Variants in GULP1 observed in about 807,000 individuals in gnomAD.
GULP1 encodes the protein PTB domain-containing engulfment adapter protein 1.
GULP1 carries 19 observed loss-of-function variants against 40.9 expected under a neutral mutation model. The ratio of observed to expected loss-of-function variants is 0.46; its 90% CI spans 0.32 to 0.68. GULP1 has a LOEUF of 0.68. Among genes scored for constraint, GULP1 ranks in the 30% least tolerant of loss-of-function variants. The probability of loss-of-function intolerance (pLI) is 0.03; values close to 1 mark genes in which losing one functional copy is unlikely to be tolerated. For synonymous variants in GULP1, 119 were observed against 117.6 expected, an observed-to-expected ratio of 1.01 and a Z score of -0.08; for missense variants, 312 against 362.2, an observed-to-expected ratio of 0.86 and a Z score of 1.12.
chr2:188,428,324 G>A (rs552185857), intron 2 of GULP1, among the ~76,000 whole-genome samples: 9 of 152,270 alleles, frequency 5.9e-5, no homozygotes, highest in African/African-American at 9.6e-5. Flanking sequence ...CTAAAGAACT[G>A]TTGGGAAGGC....
chr2:188,468,839 C>A (rs1375857088), intron 2 of GULP1, among the ~76,000 whole-genome samples: 1 of 151,968 alleles, frequency 6.6e-6, no homozygotes, highest in Non-Finnish European at 1.5e-5. Context: ...GGGAGGGGGG[C>A]AATTGCAATA....
chr2:188,478,098 C>T (rs1399873695), intron 3 of GULP1, among the ~76,000 whole-genome samples: 1 of 151,992 alleles, frequency 6.6e-6, no homozygotes, highest in Non-Finnish European at 1.5e-5. Context: ...AACATAAATT[C>T]ATTCATAATT....
At chr2:188,516,007 A>G (rs1030014758) in intron 4 of GULP1, among the ~76,000 whole-genome samples, 6 of 152,140 alleles carry the variant, frequency 3.9e-5, no homozygotes, top group African/African-American at 1.4e-4. Context: ...AGCCTCACTC[A>G]CTGAAGCAAC....
chr2:188,452,484 A>G (rs2152923820), intron 2 of GULP1, among the ~76,000 whole-genome samples: 2 of 152,370 alleles, frequency 1.3e-5, no homozygotes, highest in South Asian at 4.1e-4. Flanking sequence ...TGAACTTTTC[A>G]AACCCATCTT....
Position 188,359,542 on chromosome 2 carries a change from C to A in GULP1, c.-171-24221C>A, listed in dbSNP as rs570411756. ...ATATGCTTCATGCTCCTATAACATA[C>A]AAAATGAAAGCATTTCATTAGATTG... On this transcript the variant is annotated intron_variant, in intron 1 of 11. Transcript: ENST00000409830. Among the ~76,000 whole-genome samples, 9 of 152,142 alleles carry A rather than the reference C, an allele frequency of 5.9e-5. No individual in the cohort carries two copies. In the South Asian group the frequency reaches 1.9e-3, roughly 32 times the overall value.
At chr2:188,493,186 A>G (rs1431097158) in intron 4 of GULP1, among the ~76,000 whole-genome samples, 2 of 152,010 alleles carry the variant, frequency 1.3e-5, no homozygotes, top group Non-Finnish European at 2.9e-5. Context: ...ACGACTTGGA[A>G]GTTTTGTAGG....
intron 2 of GULP1, among the ~76,000 whole-genome samples, chr2:188,436,516 C>T (rs1406865731): frequency 6.6e-6 from 1 of 151,992 alleles, no homozygotes; most frequent in Non-Finnish European, 1.5e-5. Flanking sequence ...ATGTTCATGT[C>T]TCCATTATAG....
At chr2:188,381,790 A>T (rs1435694664) in intron 1 of GULP1, among the ~76,000 whole-genome samples, 1 of 152,124 alleles carries the variant, frequency 6.6e-6, no homozygotes, top group Non-Finnish European at 1.5e-5. Flanking sequence ...CCTTTTAACT[A>T]TGTGTCATGC....
intron 9 of GULP1, 39 bp from the exon 10 acceptor site, chr2:188,584,226 A>C: frequency 7.2e-7 from 1 of 1,386,316 alleles, no homozygotes; most frequent in Non-Finnish European, 1.0e-6. Flanking sequence ...CAATGTGTCT[A>C]TATGAAATAT....
Position 188,511,052 on chromosome 2 carries a change from A to G in GULP1, c.91-11704A>G, listed in dbSNP as rs141957896. On this transcript the variant is annotated intron_variant, in intron 4 of 11. Coordinates refer to ENST00000409830, the MANE Select transcript of GULP1 (RefSeq NM_016315.4). ...TGCTAGTCGCTGGTTGTATTTTCTC[A>G]TTTAATTCTCACAAGAACACTGAGA... is the stretch of plus-strand genomic sequence containing the variant. 2.6e-3 allele frequency among the ~76,000 whole-genome samples: 389 copies of G among 152,190 alleles called. 7 individuals are homozygous for G. The highest frequency in any genetic ancestry group is 0.023 in the Admixed American group (355 of 15,268).
At chr2:188,581,351 A>G (rs1010697813) in intron 9 of GULP1, among the ~76,000 whole-genome samples, 2 of 152,182 alleles carry the variant, frequency 1.3e-5, no homozygotes, top group African/African-American at 2.4e-5. Context: ...TTCTGCAGTG[A>G]TACATCTGAC....
At chr2:188,360,125 C>G (rs1405003559) in intron 1 of GULP1, among the ~76,000 whole-genome samples, 2 of 152,064 alleles carry the variant, frequency 1.3e-5, no homozygotes, top group African/African-American at 4.8e-5. Context: ...GGTTGACATC[C>G]TGTAGTTTCC....
intron 1 of GULP1, among the ~76,000 whole-genome samples, chr2:188,302,073 A>G (rs1006315372): frequency 6.6e-6 from 1 of 152,224 alleles, no homozygotes; most frequent in Non-Finnish European, 1.5e-5. Flanking sequence ...TTTTGTAAAT[A>G]AAAGTTTTAG....
At chr2:188,490,310 C>T (rs2062244044) in intron 4 of GULP1, among the ~76,000 whole-genome samples, 1 of 152,004 alleles carries the variant, frequency 6.6e-6, no homozygotes, top group African/African-American at 2.4e-5. Context: ...GTTCAACATC[C>T]GTTTGTCTAT....
chr2:188,546,512 T>C (rs995792710), intron 7 of GULP1, among the ~76,000 whole-genome samples: 1 of 152,018 alleles, frequency 6.6e-6, no homozygotes, highest in African/African-American at 2.4e-5. Flanking sequence ...ATTTTGCGAA[T>C]TGAATAAAAA....
intron 1 of GULP1, among the ~76,000 whole-genome samples, chr2:188,368,192 A>C (rs900103721): frequency 6.6e-6 from 1 of 152,192 alleles, no homozygotes; most frequent in Non-Finnish European, 1.5e-5. Flanking sequence ...TAATCTAGAA[A>C]AAAGGTCTGG....
chr2:188,297,441 G>T (rs998630607), intron 1 of GULP1: 1 of 461,322 alleles, frequency 2.2e-6, no homozygotes, highest in East Asian at 7.3e-5. Context: ...TTCCTGGTAT[G>T]GTACAGCTTT....
At chr2:188,491,368 T>A (rs2062373057) in intron 4 of GULP1, 1 of 152,080 alleles carries the variant, frequency 6.6e-6, no homozygotes, top group African/African-American at 2.4e-5. Context: ...GTGACTAAAA[T>A]CAGCATAAAA....
chr2:188,297,526 C>A, intron 1 of GULP1: 1 of 474,636 alleles, frequency 2.1e-6, no homozygotes, highest in African/African-American at 2.0e-5. Flanking sequence ...CATCAAGGAT[C>A]TTAAACTTTG....
Sources: allele counts gnomAD v4.1 joint callset (sites outside exome capture counted in the v4.1 genomes callset), GRCh38; gene constraint gnomAD v4.1.1; transcripts MANE v1.5; gene names NCBI Gene and HGNC (gene_info 2026-07-23, HGNC 2026-07-21).